Variants in SHROOM3 observed in about 807,000 individuals in gnomAD.
The protein encoded by SHROOM3 is shroom family member 3, also known as protein Shroom3.
SHROOM3 carries 47 observed loss-of-function variants against 138.6 expected under a neutral mutation model. That is an observed-to-expected ratio of 0.34 (90% CI 0.27 to 0.43). The LOEUF (loss-of-function observed/expected upper bound fraction) is 0.43. Among genes scored for constraint, SHROOM3 ranks in the 20% least tolerant of loss-of-function variants. SHROOM3 has a pLI of 1.00. For missense variants in SHROOM3, 2,491 were observed against 2,596.5 expected (o/e 0.96, Z 0.88); for synonymous variants, 1,062 against 1,063.3 (o/e 1.00, Z 0.02).
chr4:76,610,853 T>C (rs1403231257), intron 2 of SHROOM3, among the ~76,000 whole-genome samples: 2 of 152,138 alleles, frequency 1.3e-5, no homozygotes, highest in African/African-American at 4.8e-5. Context: ...CTGATGAACA[T>C]GTTTTCTCCA....
chr4:76,773,397 A>G (rs1459718834), intron 10 of SHROOM3, among the ~76,000 whole-genome samples: 1 of 150,740 alleles, frequency 6.6e-6, no homozygotes, highest in Non-Finnish European at 1.5e-5. Context: ...AAAAAGAGCT[A>G]TGGGAATATT....
chr4:76,693,749 A>C (rs1388770110), intron 2 of SHROOM3, among the ~76,000 whole-genome samples: 1 of 151,784 alleles, frequency 6.6e-6, no homozygotes, highest in African/African-American at 2.4e-5. Flanking sequence ...ACGTGATCAA[A>C]ATACTACTGG....
At chr4:76,722,603 T>A (rs1460056509) in intron 3 of SHROOM3, among the ~76,000 whole-genome samples, 1 of 151,916 alleles carries the variant, frequency 6.6e-6, no homozygotes, top group East Asian at 1.9e-4. Flanking sequence ...ACACCCCCAG[T>A]CCATGACACA....
At chr4:76,486,092 C>T (rs977276368) in intron 1 of SHROOM3, among the ~76,000 whole-genome samples, 16 of 152,242 alleles carry the variant, frequency 1.1e-4, no homozygotes, top group Non-Finnish European at 1.6e-4. Context: ...AAAATAAGTG[C>T]GTGCTGCCAT....
At chr4:76,455,352 G>A (rs147067848) in intron 1 of SHROOM3, among the ~76,000 whole-genome samples, 82 of 151,964 alleles carry the variant, frequency 5.4e-4, no homozygotes, top group African/African-American at 1.7e-3. Flanking sequence ...AAATATTTAC[G>A]TATTTATACA....
chr4:76,558,390 G>A (rs79362478), intron 2 of SHROOM3, among the ~76,000 whole-genome samples: 84 of 152,266 alleles, frequency 5.5e-4, no homozygotes, highest in African/African-American at 1.9e-3. Context: ...AGTACACAGT[G>A]GATATGCAAT....
intron 10 of SHROOM3, among the ~76,000 whole-genome samples, chr4:76,771,801 A>G (rs1481132421): frequency 6.6e-6 from 1 of 152,186 alleles, no homozygotes; most frequent in Non-Finnish European, 1.5e-5. Context: ...AAGTTGTATC[A>G]CCGCATTGAA....
intron 2 of SHROOM3, among the ~76,000 whole-genome samples, chr4:76,608,571 ATAG>A (rs1734676076): frequency 6.7e-6 from 1 of 149,736 alleles, no homozygotes; most frequent in Admixed American, 6.7e-5. Context: ...ATAGCATAGC[ATAG>A]CATAGCATAG....
At chr4:76,545,617 G>C (rs1176786069) in intron 1 of SHROOM3, among the ~76,000 whole-genome samples, 1 of 152,156 alleles carries the variant, frequency 6.6e-6, no homozygotes, top group Non-Finnish European at 1.5e-5. Context: ...GCTAACACAT[G>C]TATTCTTGTG....
intron 1 of SHROOM3, among the ~76,000 whole-genome samples, chr4:76,553,240 G>A (rs1006002220): frequency 6.6e-6 from 1 of 152,020 alleles, no homozygotes; most frequent in East Asian, 1.9e-4. Flanking sequence ...TCGGCCCACT[G>A]CACCTCCACC....
In SHROOM3 at chr4:76,664,684, GT is replaced by G. The variant is rs1337433207; in HGVS notation, c.324-45468del. 3.3e-5 allele frequency among the ~76,000 whole-genome samples: 5 copies of G among 152,168 alleles called. No homozygotes were observed. Among genetic ancestry groups the G allele is most frequent in the African/African-American group, 4.8e-5 (2 of 41,438 alleles). ...TACATTAAATTTGTCATCTTAACCA[GT>G]TTTAAGTGTATAGGTCAATAATGTT... On this transcript the variant is annotated intron_variant, in intron 2 of 10. Transcript: ENST00000296043. The surrounding 1 kb of genome is among the most constrained non-coding windows in gnomAD (Gnocchi z 4.2).
intron 1 of SHROOM3, among the ~76,000 whole-genome samples, chr4:76,479,411 G>A (rs998211016): frequency 6.6e-6 from 1 of 151,722 alleles, no homozygotes; most frequent in Admixed American, 6.6e-5. Flanking sequence ...ATGAAATAAA[G>A]CATGAAGACA....
At chr4:76,536,468 T>G (rs983725566) in intron 1 of SHROOM3, among the ~76,000 whole-genome samples, 5 of 152,206 alleles carry the variant, frequency 3.3e-5, no homozygotes, top group Non-Finnish European at 5.9e-5. Flanking sequence ...AAATCTTAAC[T>G]AAATAGGAGG....
rs114506169 is a variant in SHROOM3 at position 76,664,495 on chromosome 4, G to T, written c.324-45661G>T. Among the ~76,000 whole-genome samples the T allele has an allele frequency of 7.6e-3, 1,154 of 152,250 alleles. 6 individuals carry two copies. Among genetic ancestry groups the T allele is most frequent in the Middle Eastern group, 0.014 (4 of 294 alleles). On this transcript the variant is annotated intron_variant, in intron 2 of 10. Coordinates refer to ENST00000296043, the MANE Select transcript of SHROOM3 (RefSeq NM_020859.4). This position sits in a 1 kb window ranked among gnomAD's most constrained non-coding sequence, Gnocchi z 4.2. Reference sequence around the variant, plus strand: ...CTTGACAGCTTTTAAAAATAATGATGCCTGTGCTACAATTAAAATAGTCGT... The same window carrying T: ...CTTGACAGCTTTTAAAAATAATGATTCCTGTGCTACAATTAAAATAGTCGT...
intron 1 of SHROOM3, among the ~76,000 whole-genome samples, chr4:76,525,975 C>G (rs936611492): frequency 6.6e-6 from 1 of 151,942 alleles, no homozygotes; most frequent in Non-Finnish European, 1.5e-5. Context: ...TGCTCCTGAC[C>G]TCATACTTTG....
intron 1 of SHROOM3, among the ~76,000 whole-genome samples, chr4:76,522,933 C>T (rs1732596777): frequency 6.6e-6 from 1 of 152,084 alleles, no homozygotes; most frequent in South Asian, 2.1e-4. Context: ...TATTGTGTGT[C>T]TATTATATCT....
chr4:76,554,358 A>G lies in SHROOM3; in HGVS notation c.169-1251A>G, dbSNP rs374106309. Among the ~76,000 whole-genome samples the G allele has an allele frequency of 4.0e-5, 6 of 151,840 alleles. No individual in the cohort carries two copies. The East Asian group carries it at 1.2e-3, about 29-fold the overall frequency. ...CTACTTTATGTATCCAATGAATTAT[A>G]ATTTTAGAACAAAAAGTAAGGTAAG... On this transcript the variant is annotated intron_variant, in intron 1 of 10. Coordinates refer to ENST00000296043, the MANE Select transcript of SHROOM3 (RefSeq NM_020859.4).
intron 1 of SHROOM3, among the ~76,000 whole-genome samples, chr4:76,471,208 C>G (rs769402778): frequency 3.2e-4 from 48 of 151,274 alleles, no homozygotes; most frequent in Admixed American, 1.3e-3. Flanking sequence ...CTGAAGATAG[C>G]TATTGCTTAT....
intron 4 of SHROOM3, among the ~76,000 whole-genome samples, chr4:76,737,549 A>G (rs1721111272): frequency 6.6e-6 from 1 of 152,206 alleles, no homozygotes; most frequent in African/African-American, 2.4e-5. Flanking sequence ...ACCACCTGCA[A>G]TGAATGAGAG....
Sources: gnomAD v4.1 joint callset for allele counts (sites outside exome capture counted in the v4.1 genomes callset) on GRCh38, gnomAD v4.1.1 for gene constraint, Gnocchi (gnomAD v3.1) non-coding constraint, MANE v1.5 for transcripts, NCBI Gene and HGNC (gene_info 2026-07-23, HGNC 2026-07-21) for gene names.